Variants in SCN2B observed in about 807,000 individuals in gnomAD.
SCN2B encodes sodium voltage-gated channel beta subunit 2, also known as sodium channel regulatory subunit beta-2.
A neutral mutation model predicts 18.2 loss-of-function variants in SCN2B; 14 were observed. The observed-to-expected ratio is 0.77, with a 90% CI of 0.51 to 1.21. SCN2B has a LOEUF of 1.21. Ranked by LOEUF, SCN2B falls within the 50% of genes most tolerant of loss-of-function variation. The probability of loss-of-function intolerance (pLI) is 0.00; values close to 1 mark genes in which losing one functional copy is unlikely to be tolerated. For synonymous variants in SCN2B, 115 were observed against 115.3 expected, an observed-to-expected ratio of 1.00 and a Z score of 0.02; for missense variants, 262 against 286.9, an observed-to-expected ratio of 0.91 and a Z score of 0.63.
In SCN2B at chr11:118,175,334, G is replaced by C. The variant is rs116765501; in HGVS notation, c.70+1028C>G. Among the ~76,000 whole-genome samples the C allele has an allele frequency of 8.4e-3, 1,283 of 152,304 alleles. 22 individuals carry two copies. The highest frequency in any genetic ancestry group is 0.029 in the African/African-American group (1,224 of 41,544). On this transcript the variant is annotated intron_variant, in intron 1 of 3. Transcript: ENST00000278947. ...CTGCCAGAGATTCCATAGCATTCCT[G>C]CTCTGATGTTAATATGCCAAGTAAC...
At chr11:118,171,763 C>A (rs1948433214) in intron 1 of SCN2B, among the ~76,000 whole-genome samples, 1 of 152,204 alleles carries the variant, frequency 6.6e-6, no homozygotes. Context: ...CACCCTGCAG[C>A]GGGGCCCTGC....
intron 1 of SCN2B, among the ~76,000 whole-genome samples, chr11:118,172,579 G>A (rs1227243296): frequency 1.3e-5 from 2 of 152,224 alleles, no homozygotes; most frequent in African/African-American, 4.8e-5. Context: ...CAATCTTCCT[G>A]GTTGTCCCAT....
chr11:118,174,091 C>CTTTTTTTTTTTTT lies in SCN2B; in HGVS notation c.70+2258_70+2270dup, dbSNP rs1162918445. On this transcript the variant is annotated intron_variant, in intron 1 of 3. Coordinates refer to ENST00000278947, the MANE Select transcript of SCN2B (RefSeq NM_004588.5). The stretch of plus-strand genomic sequence containing the variant: ...ACCATGCCTGGCTTATTTTTCTTTT[C>CTTTTTTTTTTTTT]TTTTTTTTTTTTTTTTTTTTTTTTT... 2.9e-3 allele frequency among the ~76,000 whole-genome samples: 192 copies of CTTTTTTTTTTTTT among 66,672 alleles called. 6 individuals are homozygous for CTTTTTTTTTTTTT. Among genetic ancestry groups the CTTTTTTTTTTTTT allele is most frequent in the East Asian group, 4.9e-3 (10 of 2,022 alleles). The allele number at this position is 66,672 out of a possible 152,430, so 43.7% of individuals were successfully genotyped here. A position where few individuals can be genotyped will look rare whatever the true frequency, so the allele number is the denominator to read the frequency against.
rs1192234726 is a variant in SCN2B, at chr11:118,168,527, C to T, written c.237+58G>A. The T allele has an allele frequency of 5.0e-6, 8 of 1,608,236 alleles. No homozygotes were observed. Among genetic ancestry groups the T allele is most frequent in the Non-Finnish European group, 5.1e-6 (6 of 1,175,210 alleles). On this transcript the variant is annotated intron_variant, in intron 2 of 3. Transcript: ENST00000278947. The surrounding 1 kb of genome is among the most constrained non-coding windows in gnomAD (Gnocchi z 4.7). ...CCGGGGCCGGTGGTGGGACCAGGGGCTTCATGCCATGGGGCTCCTACCTCC... is the reference window on the plus strand; with the variant it reads ...CCGGGGCCGGTGGTGGGACCAGGGGTTTCATGCCATGGGGCTCCTACCTCC...
intron 1 of SCN2B, among the ~76,000 whole-genome samples, chr11:118,174,001 C>T (rs905797259): frequency 6.6e-6 from 1 of 151,510 alleles, no homozygotes; most frequent in African/African-American, 2.4e-5. Context: ...CGGCTCACTG[C>T]AGCCTGGAAC....
chr11:118,172,286 T>A (rs891656821), intron 1 of SCN2B, among the ~76,000 whole-genome samples: 8 of 152,258 alleles, frequency 5.3e-5, no homozygotes, highest in Non-Finnish European at 1.0e-4. Flanking sequence ...CCTCATTTAA[T>A]ACTAACAAAA....
Position 118,168,366 on chromosome 11 carries a change from C to A in SCN2B, c.238-71G>T. ...AACTACAAGGACAGTGAGGATGCCC[C>A]CTCTTCCCATCCACCCTTTTCCTGG... On this transcript the variant is annotated intron_variant, in intron 2 of 3. Transcript: ENST00000278947. The surrounding 1 kb of genome is among the most constrained non-coding windows in gnomAD (Gnocchi z 4.7). 2 of 1,417,256 alleles carry A rather than the reference C, an allele frequency of 1.4e-6. No homozygotes were observed. Among genetic ancestry groups the A allele is most frequent in the Non-Finnish European group, 2.0e-6 (2 of 1,002,022 alleles). 87.8% of individuals were successfully genotyped at this position (1,417,256 alleles called of 1,614,324 possible). A position where few individuals can be genotyped will look rare whatever the true frequency, so the allele number is the denominator to read the frequency against.
Position 118,176,542 on chromosome 11 carries a change from T to A in SCN2B, c.-111A>T. ...GCTAAAAAAAAATGCACGGATGTAC[T>A]TCAAAGACATATACAACATTAAGGA... On this transcript the variant is annotated 5_prime_UTR_variant, in exon 1 of 4. The change creates a new upstream start codon in the 5' untranslated region. Coordinates refer to ENST00000278947, the MANE Select transcript of SCN2B (RefSeq NM_004588.5). 1.3e-6 allele frequency: 1 copy of A among 782,344 alleles called. No homozygotes were observed. The allele number at this position is 782,344 out of a possible 1,614,324, so 48.5% of individuals were successfully genotyped here.
At chr11:118,171,946 G>C (rs1489240114) in intron 1 of SCN2B, among the ~76,000 whole-genome samples, 1 of 152,216 alleles carries the variant, frequency 6.6e-6, no homozygotes. Flanking sequence ...GCCACACACA[G>C]AGAATAGGGA....
rs1332837769 is a variant in SCN2B at position 118,168,862 on chromosome 11, G to A, written c.71-111C>T. On this transcript the variant is annotated intron_variant, in intron 1 of 3. Coordinates refer to ENST00000278947, the MANE Select transcript of SCN2B (RefSeq NM_004588.5). This position sits in a 1 kb window ranked among gnomAD's most constrained non-coding sequence, Gnocchi z 4.7. ...ATGAGGCAGAGCAGAGCCACAGGGAGGGGACTGGGTCCCTGACAGCTCCAG... is the reference window on the plus strand; with the variant it reads ...ATGAGGCAGAGCAGAGCCACAGGGAAGGGACTGGGTCCCTGACAGCTCCAG... The A allele has an allele frequency of 5.0e-6, 6 of 1,189,874 alleles. No homozygotes were observed. The highest frequency in any genetic ancestry group is 3.4e-5 in the Admixed American group (2 of 58,018). The allele number at this position is 1,189,874 out of a possible 1,614,324, so 73.7% of individuals were successfully genotyped here.
At chr11:118,171,005 A>G (rs587241) in intron 1 of SCN2B, among the ~76,000 whole-genome samples, 11,648 of 151,792 alleles carry the variant, frequency 0.077, 1,422 homozygotes, top group African/African-American at 0.26. Flanking sequence ...GCCGCCCTGC[A>G]GCCTGCAGGG....
At chr11:118,175,137 G>A (rs986711585) in intron 1 of SCN2B, among the ~76,000 whole-genome samples, 1 of 152,188 alleles carries the variant, frequency 6.6e-6, no homozygotes, top group East Asian at 1.9e-4. Flanking sequence ...CTGGGCTCAC[G>A]AAAAGCATTC....
In SCN2B at chr11:118,168,499, G is replaced by A; in HGVS notation, c.237+86C>T. ...CAGGGTCCTCTGGGGCCCTAGCGCA[G>A]TGCCGGGGCCGGTGGTGGGACCAGG... On this transcript the variant is annotated intron_variant, in intron 2 of 3. Transcript: ENST00000278947. This position sits in a 1 kb window ranked among gnomAD's most constrained non-coding sequence, Gnocchi z 4.7. 6.4e-7 allele frequency: 1 copy of A among 1,572,920 alleles called. No individual in the cohort carries two copies. Among genetic ancestry groups the A allele is most frequent in the South Asian group, 1.1e-5 (1 of 89,640 alleles).
chr11:118,170,404 T>G (rs1394257036), intron 1 of SCN2B, among the ~76,000 whole-genome samples: 1 of 152,126 alleles, frequency 6.6e-6, no homozygotes, highest in East Asian at 1.9e-4. Context: ...TCCCAGTGGC[T>G]GGAAGGAGTT....
chr11:118,164,300 A>G lies in SCN2B; in HGVS notation c.*2587T>C, dbSNP rs1948358339. The stretch of plus-strand genomic sequence containing the variant: ...TGAAATCTGCAAGCTGCAGAAATGT[A>G]TACAACCACTCTTGGTCTCAGCTGG... On this transcript the variant is annotated 3_prime_UTR_variant, in exon 4 of 4. Transcript: ENST00000278947. The G allele has an allele frequency of 6.5e-6, 1 of 152,682 alleles. No individual in the cohort carries two copies. Among genetic ancestry groups the G allele is most frequent in the South Asian group, 2.1e-4 (1 of 4,838 alleles). 9.5% of individuals were successfully genotyped at this position (152,682 alleles called of 1,614,324 possible). A position where few individuals can be genotyped will look rare whatever the true frequency, so the allele number is the denominator to read the frequency against.
At position 118,171,552 on chromosome 11, in the gene SCN2B, C is replaced by T. The variant is rs1451219059; in HGVS notation, c.71-2801G>A. Among the ~76,000 whole-genome samples the T allele has an allele frequency of 2.0e-5, 3 of 152,222 alleles. 1 individual carries two copies. The highest frequency in any genetic ancestry group is 4.4e-5 in the Non-Finnish European group (3 of 68,044). On this transcript the variant is annotated intron_variant, in intron 1 of 3. Coordinates refer to ENST00000278947, the MANE Select transcript of SCN2B (RefSeq NM_004588.5). The stretch of plus-strand genomic sequence containing the variant: ...CCCAGACCAAAAAGTCTGCGTTCTG[C>T]GAAGCCCGGCGGACTCTGTGCGGGC...
At position 118,168,544 on chromosome 11, in the gene SCN2B, C is replaced by A. The variant is rs372658165; in HGVS notation, c.237+41G>T. On this transcript the variant is annotated intron_variant, in intron 2 of 3. Coordinates refer to ENST00000278947, the MANE Select transcript of SCN2B (RefSeq NM_004588.5). This position sits in a 1 kb window ranked among gnomAD's most constrained non-coding sequence, Gnocchi z 4.7. ...ACCAGGGGCTTCATGCCATGGGGCT[C>A]CTACCTCCTCCCCTGCCCCTGCCTT... The A allele has an allele frequency of 9.9e-6, 16 of 1,613,186 alleles. No homozygotes were observed. Among genetic ancestry groups the A allele is most frequent in the Admixed American group, 1.7e-5 (1 of 60,012 alleles).
In SCN2B at chr11:118,166,813, G is replaced by C; in HGVS notation, c.*74C>G. The C allele has an allele frequency of 6.3e-7, 1 of 1,583,222 alleles. No homozygotes were observed. The highest frequency in any genetic ancestry group is 8.6e-7 in the Non-Finnish European group (1 of 1,158,280). On this transcript the variant is annotated 3_prime_UTR_variant, in exon 4 of 4. Coordinates refer to ENST00000278947, the MANE Select transcript of SCN2B (RefSeq NM_004588.5). ...AGGTCACGGGAAGCACACCAAGAGC[G>C]AGCAGGCAGGGTCACTGTACAGGGC...
Position 118,168,208 on chromosome 11 carries a change from C to T in SCN2B, c.325G>A (p.Asp109Asn), listed in dbSNP as rs780695088. 6 of 1,614,074 alleles carry T rather than the reference C, an allele frequency of 3.7e-6. No homozygotes were observed. Among genetic ancestry groups the T allele is most frequent in the Non-Finnish European group, 5.1e-6 (6 of 1,180,016 alleles). Residue 109 changes from aspartate (D) to asparagine (N), a missense_variant, in exon 3 of 4, where the codon GAT becomes AAT. Asp to Asn is a conservative substitution (Grantham distance 23). Transcript: ENST00000278947. This position sits in a 1 kb window ranked among gnomAD's most constrained non-coding sequence, Gnocchi z 4.7. ...ACGTTTCTCAGCATCACCGACACAT[C>T]GTACTTGCTGGGGTTCCCTGAGAAC... is the stretch of plus-strand genomic sequence containing the variant. ...VEFSGNPSKYDVSVMLRNVQP... is the reference protein window; with the variant it reads ...VEFSGNPSKYNVSVMLRNVQP...
Sources: gnomAD v4.1 joint callset for allele counts (sites outside exome capture counted in the v4.1 genomes callset) on GRCh38, gnomAD v4.1.1 for gene constraint, Gnocchi (gnomAD v3.1) non-coding constraint, MANE v1.5 for transcripts, NCBI Gene and HGNC (gene_info 2026-07-23, HGNC 2026-07-21) for gene names.